AP3S1: variants seen among roughly 807,000 people sequenced by gnomAD.
AP3S1 encodes adaptor related protein complex 3 subunit sigma 1.
A neutral mutation model predicts 21.3 loss-of-function variants in AP3S1; 12 were observed. The ratio of observed to expected loss-of-function variants is 0.56; its 90% confidence interval spans 0.36 to 0.91. The LOEUF (loss-of-function observed/expected upper bound fraction) is 0.91, where lower values mean the gene tolerates loss of function less well. AP3S1 is among the 40% of genes least tolerant of loss of function. AP3S1 has a pLI of 0.01. For synonymous variants in AP3S1, 48 were observed against 78.4 expected (o/e 0.61, Z 2.05); for missense variants, 116 against 225.0 (o/e 0.52, Z 3.10).
intron 1 of AP3S1, among the ~76,000 whole-genome samples, chr5:115,855,540 A>G (rs749763975): frequency 4.6e-5 from 7 of 152,056 alleles, no homozygotes; most frequent in African/African-American, 7.2e-5. Context: ...GGGTTTCACC[A>G]TGTTGCCCAG....
chr5:115,907,494 G>A (rs1751749006), intron 5 of AP3S1, among the ~76,000 whole-genome samples: 1 of 152,068 alleles, frequency 6.6e-6, no homozygotes, highest in Admixed American at 6.6e-5. Context: ...GTGGCCAACA[G>A]AAAATAAGAT....
chr5:115,897,477 AATATAG>A (rs1333077233), intron 4 of AP3S1, among the ~76,000 whole-genome samples: 1 of 152,178 alleles, frequency 6.6e-6, no homozygotes, highest in Non-Finnish European at 1.5e-5. Flanking sequence ...TCAACTTAAA[AATATAG>A]ATATATTTTT....
In AP3S1 at chr5:115,862,573, G is replaced by A. The variant is rs151229874; in HGVS notation, c.70-4097G>A. ...AAATTATAACTGTATAAAATTAACT[G>A]TAGTTTGTACTGTACTACTGTAATA... is the stretch of plus-strand genomic sequence containing the variant. On this transcript the variant is annotated intron_variant, in intron 1 of 5. Transcript: ENST00000316788. Among the ~76,000 whole-genome samples the A allele has an allele frequency of 5.3e-5, 8 of 152,312 alleles. No homozygotes were observed. The East Asian group carries it at 1.2e-3, about 22-fold the overall frequency.
intron 3 of AP3S1, among the ~76,000 whole-genome samples, chr5:115,880,394 A>G (rs918605273): frequency 2.0e-5 from 3 of 152,124 alleles, no homozygotes; most frequent in Non-Finnish European, 4.4e-5. Flanking sequence ...ATTCTGGTAC[A>G]TTGTATCTTT....
intron 5 of AP3S1, among the ~76,000 whole-genome samples, chr5:115,911,787 C>CAGGA (rs1752131695): frequency 6.6e-6 from 1 of 151,020 alleles, no homozygotes; most frequent in Non-Finnish European, 1.5e-5. Flanking sequence ...TTTGGGGGAG[C>CAGGA]AGGAAGGAAG....
chr5:115,892,973 A>G (rs920132084), intron 3 of AP3S1, among the ~76,000 whole-genome samples: 2 of 152,226 alleles, frequency 1.3e-5, no homozygotes, highest in African/African-American at 2.4e-5. Flanking sequence ...AAAATAAATT[A>G]TAGCTAGACA....
At chr5:115,899,148 G>A (rs1308387804) in intron 4 of AP3S1, among the ~76,000 whole-genome samples, 1 of 152,156 alleles carries the variant, frequency 6.6e-6, no homozygotes, top group Admixed American at 6.5e-5. Context: ...TCATACCCTT[G>A]AGGCTGAGAG....
intron 5 of AP3S1, chr5:115,906,753 A>G: frequency 1.6e-6 from 2 of 1,244,160 alleles, no homozygotes; most frequent in Non-Finnish European, 1.1e-6. Flanking sequence ...CTACTTTTTG[A>G]AAGTCAGTCC....
At chr5:115,866,401 C>G (rs911665600) in intron 1 of AP3S1, among the ~76,000 whole-genome samples, 4 of 152,052 alleles carry the variant, frequency 2.6e-5, no homozygotes, top group Admixed American at 2.6e-4. Context: ...GTATGTAATT[C>G]ATCTAATATT....
intron 1 of AP3S1, among the ~76,000 whole-genome samples, chr5:115,846,256 G>A (rs778031133): frequency 2.0e-5 from 3 of 152,172 alleles, no homozygotes; most frequent in East Asian, 1.9e-4. Context: ...CACTCCTCCA[G>A]CTTTGGCTTC....
At chr5:115,864,628 A>G (rs1295304142) in intron 1 of AP3S1, among the ~76,000 whole-genome samples, 4 of 152,264 alleles carry the variant, frequency 2.6e-5, no homozygotes, top group South Asian at 2.1e-4. Context: ...AACCGTGTCT[A>G]TATGTTGAGC....
chr5:115,902,975 A>C lies in AP3S1; in HGVS notation c.436A>C (p.Lys146Gln). ...EIVTQIDAQN[K>Q]LEKSEAGLAG... is the part of the protein sequence containing the mutation. The stretch of plus-strand genomic sequence containing the variant: ...TGTTACACAAATTGATGCACAAAAT[A>C]AGCTGGAAAAATCTGAGGTAAGAAT... The change falls in exon 5 of 6, where the codon AAG becomes CAG. Residue 146 changes from lysine (K) to glutamine (Q), a missense_variant. Physicochemically the swap from Lys to Gln is moderately conservative, Grantham distance 53. Transcript: ENST00000316788. 6.2e-7 allele frequency: 1 copy of C among 1,613,868 alleles called. No individual in the cohort carries two copies.
At chr5:115,865,290 T>C (rs1763524535) in intron 1 of AP3S1, among the ~76,000 whole-genome samples, 1 of 152,196 alleles carries the variant, frequency 6.6e-6, no homozygotes, top group Non-Finnish European at 1.5e-5. Context: ...TTTTCTTTTC[T>C]CTAGCTTACT....
chr5:115,913,054 TAAATC>T (rs945528776), intron 5 of AP3S1, among the ~76,000 whole-genome samples: 2 of 152,180 alleles, frequency 1.3e-5, no homozygotes, highest in African/African-American at 4.8e-5. Flanking sequence ...ATCTGTCAGT[TAAATC>T]AAGATATAGG....
intron 3 of AP3S1, among the ~76,000 whole-genome samples, chr5:115,882,143 A>G (rs1749353861): frequency 6.6e-6 from 1 of 152,020 alleles, no homozygotes; most frequent in South Asian, 2.1e-4. Context: ...TTGGGTTAGA[A>G]CATGCTCCTT....
At chr5:115,897,129 T>C (rs573891911) in intron 4 of AP3S1, among the ~76,000 whole-genome samples, 1 of 152,324 alleles carries the variant, frequency 6.6e-6, no homozygotes, top group Non-Finnish European at 1.5e-5. Flanking sequence ...ATCCCAGAGA[T>C]TGCCTAGTGT....
intron 5 of AP3S1, among the ~76,000 whole-genome samples, chr5:115,912,916 A>T (rs1259876415): frequency 6.6e-6 from 1 of 152,112 alleles, no homozygotes; most frequent in Non-Finnish European, 1.5e-5. Context: ...AGCACAATCT[A>T]TTACTTGCAA....
chr5:115,875,794 A>G (rs1263643606), intron 3 of AP3S1, among the ~76,000 whole-genome samples: 1 of 152,148 alleles, frequency 6.6e-6, no homozygotes, highest in African/African-American at 2.4e-5. Context: ...TTTCTCATGT[A>G]TTTTTGGGCA....
intron 3 of AP3S1, among the ~76,000 whole-genome samples, chr5:115,894,104 A>G (rs1750547551): frequency 6.6e-6 from 1 of 152,350 alleles, no homozygotes; most frequent in Middle Eastern, 3.4e-3. Flanking sequence ...TTATAGTGAA[A>G]GGATACAGAG....
Sources: allele counts gnomAD v4.1 joint callset (sites outside exome capture counted in the v4.1 genomes callset), GRCh38; gene constraint gnomAD v4.1.1; transcripts MANE v1.5; gene names NCBI Gene and HGNC (gene_info 2026-07-23, HGNC 2026-07-21).